The following ING5 variants were observed in gnomAD, a reference collection of about 807,000 sequenced individuals.
ING5 encodes inhibitor of growth family member 5.
A neutral mutation model predicts 37.4 loss-of-function variants in ING5; 17 were observed. The ratio of observed to expected loss-of-function variants is 0.45; its 90% CI spans 0.31 to 0.68. The LOEUF is 0.68. ING5 is among the 30% of genes least tolerant of loss of function. ING5 has a pLI of 0.05. For missense variants in ING5, 233 were observed against 311.9 expected, an observed-to-expected ratio of 0.75 and a Z score of 1.91; for synonymous variants, 123 against 116.6, an observed-to-expected ratio of 1.06 and a Z score of -0.36.
At chr2:241,720,955 C>T (rs2070418337) in intron 5 of ING5, 2 of 985,714 alleles carry the variant, frequency 2.0e-6, no homozygotes, top group South Asian at 9.4e-5. Context: ...TGGGCGGTCC[C>T]CTCAGGCCCC....
rs371788794 is a variant in ING5 at position 241,709,419 on chromosome 2, C to G, written c.276+37C>G. ...GCGGGGGCCATGGCTCTTCCTCTGA[C>G]CTCTACTCCTGCCTCTCATGCAACA... On this transcript the variant is annotated intron_variant, in intron 3 of 7. Transcript: ENST00000313552. 3.8e-6 allele frequency: 6 copies of G among 1,564,150 alleles called. No homozygotes were observed. In the Admixed American group the frequency reaches 5.7e-5, roughly 15 times the overall value.
intron 2 of ING5, among the ~76,000 whole-genome samples, chr2:241,693,652 C>CTTTTTTTTTTTTT (rs1185556171): frequency 1.3e-5 from 1 of 78,538 alleles, no homozygotes; most frequent in Non-Finnish European, 2.3e-5. Context: ...AAATACAACT[C>CTTTTTTTTTTTTT]TTTTTTTTTT....
intron 5 of ING5, chr2:241,721,917 A>G (rs1404126287): frequency 2.0e-6 from 2 of 985,542 alleles, no homozygotes; most frequent in Non-Finnish European, 1.2e-6. Context: ...GGGGTGGAAC[A>G]CCTGCCAGGC....
chr2:241,710,855 C>G (rs533894837), intron 3 of ING5, among the ~76,000 whole-genome samples: 2 of 152,048 alleles, frequency 1.3e-5, no homozygotes, highest in South Asian at 4.1e-4. Flanking sequence ...TCAAATGATC[C>G]ACCTGCCTCG....
upstream of ING5, among the ~76,000 whole-genome samples, chr2:241,697,287 TAGAC>T (rs1392286954): frequency 6.6e-6 from 1 of 150,948 alleles, no homozygotes; most frequent in Non-Finnish European, 1.5e-5. Flanking sequence ...TACAAAGAAT[TAGAC>T]AGGCGTGGTG....
chr2:241,689,110 T>C (rs1447070824), intron 1 of ING5, among the ~76,000 whole-genome samples: 1 of 130,256 alleles, frequency 7.7e-6, no homozygotes, highest in Non-Finnish European at 1.7e-5. Flanking sequence ...CAATTTATTT[T>C]TTAATTTAAT....
chr2:241,722,650 A>G (rs757633165), intron 5 of ING5: 36 of 985,232 alleles, frequency 3.7e-5, no homozygotes, highest in Non-Finnish European at 4.3e-5. Flanking sequence ...GGTTTTGAAA[A>G]TGTGTGCTCC....
chr2:241,704,520 A>G (rs1009956383), intron 1 of ING5, 133 bp from the exon 2 acceptor site: 19 of 702,258 alleles, frequency 2.7e-5, no homozygotes, highest in Non-Finnish European at 4.1e-5. Flanking sequence ...GTGAGCCAAG[A>G]TCGCACCACT....
rs760884415 is a variant in ING5, at chr2:241,702,049, C to T, written c.-17C>T. The stretch of plus-strand genomic sequence containing the variant: ...ACCGCCCGCCCGCGCAGACCCCGAG[C>T]GCGGCCGCGGACGAAGATGGCGACC... On this transcript the variant is annotated 5_prime_UTR_variant, in exon 1 of 8. Transcript: ENST00000313552. 1.4e-6 allele frequency: 2 copies of T among 1,384,516 alleles called. No individual in the cohort carries two copies. Among genetic ancestry groups the T allele is most frequent in the South Asian group, 1.5e-5 (1 of 67,380 alleles). 85.8% of individuals were successfully genotyped at this position (1,384,516 alleles called of 1,614,324 possible).
intron 5 of ING5, chr2:241,719,644 G>C: frequency 6.5e-7 from 1 of 1,535,528 alleles, no homozygotes; most frequent in Non-Finnish European, 8.7e-7. Context: ...CAGGCACTGG[G>C]GGTCCTCGTG....
At position 241,725,275 on chromosome 2, in the gene ING5, C is replaced by G; in HGVS notation, c.*244C>G. 1 of 536,902 alleles carries G rather than the reference C, an allele frequency of 1.9e-6. No homozygotes were observed. The highest frequency in any genetic ancestry group is 3.4e-6 in the Non-Finnish European group (1 of 297,416). 33.3% of individuals were successfully genotyped at this position (536,902 alleles called of 1,614,324 possible). ...TTACAGGACTCCCCCCGAGCATCAG[C>G]AGGGACCCCGGCGGACGTGGGCGGG... is the stretch of plus-strand genomic sequence containing the variant. On this transcript the variant is annotated 3_prime_UTR_variant, in exon 8 of 8. Transcript: ENST00000313552.
At chr2:241,693,491 C>T (rs544809416) in intron 2 of ING5, among the ~76,000 whole-genome samples, 2 of 151,748 alleles carry the variant, frequency 1.3e-5, no homozygotes, top group Non-Finnish European at 2.9e-5. Context: ...CTACGCTCTC[C>T]GACATACCCC....
In ING5 at chr2:241,702,120, G is replaced by A. The variant is rs937664592; in HGVS notation, c.37+18G>A. 9 of 1,299,208 alleles carry A rather than the reference G, an allele frequency of 6.9e-6. No homozygotes were observed. The highest frequency in any genetic ancestry group is 3.1e-5 in the African/African-American group (2 of 63,986). 80.5% of individuals were successfully genotyped at this position (1,299,208 alleles called of 1,614,324 possible). On this transcript the variant is annotated intron_variant, in intron 1 of 7. Transcript: ENST00000313552. ...TCTGGACAGTAAGCGCGCCCCACGG[G>A]CCCCGCGCCCGCCGCCCACGCGGAG...
At position 241,723,065 on chromosome 2, in the gene ING5, C is replaced by G; in HGVS notation, c.609C>G (p.Asp203Glu). 6.2e-7 allele frequency: 1 copy of G among 1,614,226 alleles called. No homozygotes were observed. The highest frequency in any genetic ancestry group is 8.5e-7 in the Non-Finnish European group (1 of 1,180,048). The change falls in exon 6 of 8, where the codon GAC (aspartate) becomes GAG (glutamate). Residue 203 changes from aspartate (D) to glutamate (E), a missense_variant. Coordinates refer to ENST00000313552, the MANE Select transcript of ING5 (RefSeq NM_032329.6). ...QVSYGEMIGC[D>E]NPDCPIEWFH... ...CCTATGGGGAGATGATTGGCTGTGA[C>G]AATCCAGACGTGAGTGTCGCCTGCA...
At chr2:241,705,384 C>CCGTT (rs1358306607) in intron 2 of ING5, among the ~76,000 whole-genome samples, 22 of 132,670 alleles carry the variant, frequency 1.7e-4, no homozygotes, top group Non-Finnish European at 3.5e-4. Context: ...GGCCCTAACT[C>CCGTT]TGTTTTTTTC....
chr2:241,695,615 G>A lies in ING5; in HGVS notation c.43+4962G>A, dbSNP rs549379652. Among the ~76,000 whole-genome samples the A allele has an allele frequency of 2.6e-5, 4 of 152,308 alleles. No individual in the cohort carries two copies. The East Asian group carries it at 7.7e-4, about 29-fold the overall frequency. ...GCAGCAGAATTGCTTGAACCCAGGA[G>A]GTGGAGGTTGCAGTGAGCTGAGATC... On this transcript the variant is annotated intron_variant, in intron 2 of 7. Coordinates refer to the ING5 transcript ENST00000636051.
chr2:241,699,725 T>C (rs2069684664), upstream of ING5, among the ~76,000 whole-genome samples: 1 of 152,008 alleles, frequency 6.6e-6, no homozygotes. Flanking sequence ...TTACATCTAG[T>C]GGTCATCAGT....
chr2:241,720,415 C>T (rs973149668), intron 5 of ING5: 18 of 1,112,914 alleles, frequency 1.6e-5, no homozygotes, highest in Non-Finnish European at 1.6e-5. Flanking sequence ...CCCACGTGCC[C>T]GGGGCTCTTC....
intron 5 of ING5, chr2:241,722,460 T>C (rs1318671931): frequency 1.0e-6 from 1 of 985,396 alleles, no homozygotes; most frequent in Non-Finnish European, 1.2e-6. Flanking sequence ...TGTGCCCCCA[T>C]GCCCCTGCCT....
Sources: gnomAD v4.1 joint callset for allele counts (sites outside exome capture counted in the v4.1 genomes callset) on GRCh38, gnomAD v4.1.1 for gene constraint, MANE v1.5 for transcripts, NCBI Gene and HGNC (gene_info 2026-07-23, HGNC 2026-07-21) for gene names.